Variants in TRPC4 observed in about 807,000 individuals in gnomAD.
The protein encoded by TRPC4 is transient receptor potential cation channel subfamily C member 4.
TRPC4 carries 49 observed loss-of-function variants against 99.4 expected under a neutral mutation model. That is an observed-to-expected ratio of 0.49 (90% CI 0.39 to 0.63). TRPC4 has a LOEUF of 0.63. TRPC4 is among the 20% of genes least tolerant of loss of function. The pLI is 0.00. For missense variants in TRPC4, 898 were observed against 1,152.9 expected (o/e 0.78, Z 3.20); for synonymous variants, 454 against 425.9 (o/e 1.07, Z -0.81).
rs35395094 is a variant in TRPC4, at chr13:37,637,152, A to G, written c.2685T>C (p.Gly895=). Residue 895 remains glycine (G), a synonymous_variant, in exon 11 of 11, where the codon GGT becomes GGC. Coordinates refer to ENST00000379705, the MANE Select transcript of TRPC4 (RefSeq NM_016179.4). The part of the protein sequence containing the change: ...QLESRGLASR[G]DLSIPGLSEQ... ...CACTGAGACCGGGAATGCTCAGGTCACCCCGTGAAGCTAATCCTCGAGATT... is the reference window on the plus strand; with the variant it reads ...CACTGAGACCGGGAATGCTCAGGTCGCCCCGTGAAGCTAATCCTCGAGATT... The G allele has an allele frequency of 1.5e-3, 2,361 of 1,613,708 alleles. 37 individuals are homozygous for G. The African/African-American group carries it at 0.028, about 19-fold the overall frequency.
At chr13:37,670,741 C>T (rs987814621) in intron 5 of TRPC4, among the ~76,000 whole-genome samples, 10 of 152,082 alleles carry the variant, frequency 6.6e-5, no homozygotes, top group African/African-American at 2.4e-4. Flanking sequence ...AATAAAAGCC[C>T]GATAGCAAGA....
At chr13:37,652,420 T>G (rs901410870) in intron 7 of TRPC4, among the ~76,000 whole-genome samples, 2 of 152,246 alleles carry the variant, frequency 1.3e-5, no homozygotes, top group South Asian at 4.1e-4. Context: ...TTTTTTATTC[T>G]GCGCAACATG....
chr13:37,809,212 G>T (rs995089353), intron 1 of TRPC4, among the ~76,000 whole-genome samples: 12 of 152,040 alleles, frequency 7.9e-5, no homozygotes, highest in African/African-American at 2.9e-4. Flanking sequence ...ATCCTTGGAA[G>T]GTTGAGAGTG....
chr13:37,637,029 C>G lies in TRPC4; in HGVS notation c.2808G>C (p.Val936=). The G allele has an allele frequency of 6.2e-7, 1 of 1,613,774 alleles. No homozygotes were observed. Among genetic ancestry groups the G allele is most frequent in the South Asian group, 1.1e-5 (1 of 91,070 alleles). ...RVCPFKSEKV[V]VEDTVPIIPK... ...GTATTATAGGAACCGTGTCCTCCAC[C>G]ACCACCTTCTCTGACTTGAATGGAC... Residue 936 remains valine, a synonymous_variant, in exon 11 of 11, where the codon GTG becomes GTC. Transcript: ENST00000379705.
chr13:37,740,518 TAAG>T (rs1259194046), intron 3 of TRPC4, among the ~76,000 whole-genome samples: 4 of 152,202 alleles, frequency 2.6e-5, no homozygotes, highest in African/African-American at 9.6e-5. Context: ...TAGGCAGTTT[TAAG>T]AAGACACAAT....
intron 1 of TRPC4, among the ~76,000 whole-genome samples, chr13:37,826,760 C>T (rs1015176299): frequency 3.9e-5 from 6 of 152,084 alleles, no homozygotes; most frequent in African/African-American, 7.2e-5. Context: ...CTTGGAGTTG[C>T]TCTTCTCGAG....
At chr13:37,689,845 A>T (rs954971242) in intron 4 of TRPC4, among the ~76,000 whole-genome samples, 5 of 152,168 alleles carry the variant, frequency 3.3e-5, no homozygotes, top group African/African-American at 1.2e-4. Flanking sequence ...TTTGTTTATT[A>T]CCCATTTATC....
At chr13:37,863,914 T>C (rs138203632) in intron 1 of TRPC4, among the ~76,000 whole-genome samples, 20 of 151,820 alleles carry the variant, frequency 1.3e-4, no homozygotes, top group African/African-American at 4.8e-4. Context: ...ATTATACTAA[T>C]TCTGTGAAAA....
intron 1 of TRPC4, among the ~76,000 whole-genome samples, chr13:37,842,250 A>T (rs1958752162): frequency 6.7e-6 from 1 of 149,100 alleles, no homozygotes; most frequent in Non-Finnish European, 1.5e-5. Flanking sequence ...AGCCTAGGCA[A>T]CAGAGCAAGA....
intron 8 of TRPC4, among the ~76,000 whole-genome samples, chr13:37,646,324 A>T (rs1024409003): frequency 1.3e-5 from 2 of 152,230 alleles, no homozygotes; most frequent in Non-Finnish European, 2.9e-5. Context: ...TAAGGAAGTT[A>T]AAAACATTTT....
chr13:37,823,573 A>C (rs1337852460), intron 1 of TRPC4, among the ~76,000 whole-genome samples: 1 of 151,934 alleles, frequency 6.6e-6, no homozygotes, highest in African/African-American at 2.4e-5. Context: ...TCAAAGATCA[A>C]ATACTTGTAG....
intron 5 of TRPC4, among the ~76,000 whole-genome samples, chr13:37,664,422 A>T (rs1952567118): frequency 2.0e-5 from 3 of 152,016 alleles, no homozygotes; most frequent in African/African-American, 7.2e-5. Context: ...AAAAATACAA[A>T]AAATAGCCAG....
chr13:37,839,762 C>A (rs1296799503), intron 1 of TRPC4, among the ~76,000 whole-genome samples: 1 of 152,142 alleles, frequency 6.6e-6, no homozygotes, highest in African/African-American at 2.4e-5. Flanking sequence ...AGCATCAAAT[C>A]TGAGGCTTTT....
chr13:37,744,904 T>C lies in TRPC4; in HGVS notation c.897+1033A>G, dbSNP rs551006782. Among the ~76,000 whole-genome samples, 151 of 152,218 alleles carry C rather than the reference T, an allele frequency of 9.9e-4. 2 individuals are homozygous for C. The South Asian group carries it at 0.03, about 31-fold the overall frequency. ...AAGGGTAAGAAGTATGAGATTCTGT[T>C]ATTTAATACAGCATTTTTAATATAT... On this transcript the variant is annotated intron_variant, in intron 3 of 10. Transcript: ENST00000379705.
At chr13:37,681,464 T>A (rs1953237013) in intron 4 of TRPC4, among the ~76,000 whole-genome samples, 2 of 152,198 alleles carry the variant, frequency 1.3e-5, no homozygotes, top group South Asian at 4.1e-4. Flanking sequence ...TCTTTTTTTT[T>A]TGTTATTGTT....
At chr13:37,664,763 C>T (rs1566079580) in intron 5 of TRPC4, among the ~76,000 whole-genome samples, 1 of 152,174 alleles carries the variant, frequency 6.6e-6, no homozygotes, top group Non-Finnish European at 1.5e-5. Flanking sequence ...CTGAGTCCCA[C>T]ATAATGTTTT....
intron 1 of TRPC4, among the ~76,000 whole-genome samples, chr13:37,851,836 G>A (rs1285425305): frequency 6.6e-6 from 1 of 152,208 alleles, no homozygotes; most frequent in Admixed American, 6.5e-5. Context: ...AGGAGGGAGA[G>A]CACAGCAACA....
chr13:37,762,874 A>G (rs946883447), intron 2 of TRPC4, among the ~76,000 whole-genome samples: 7 of 151,636 alleles, frequency 4.6e-5, no homozygotes, highest in African/African-American at 1.7e-4. Context: ...TAATAATAAT[A>G]AAATAAAATA....
chr13:37,721,825 T>A (rs558317161), intron 3 of TRPC4, among the ~76,000 whole-genome samples: 1 of 152,256 alleles, frequency 6.6e-6, no homozygotes, highest in South Asian at 2.1e-4. Flanking sequence ...GGTATACACA[T>A]GGAGTTTCGC....
Sources: gnomAD v4.1 joint callset for allele counts (sites outside exome capture counted in the v4.1 genomes callset) on GRCh38, gnomAD v4.1.1 for gene constraint, MANE v1.5 for transcripts, NCBI Gene and HGNC (gene_info 2026-07-23, HGNC 2026-07-21) for gene names.